The following RBM20 variants were observed in gnomAD, a reference collection of about 807,000 sequenced individuals.
RBM20 encodes the protein RNA-binding protein 20.
Under a neutral mutation model 110.1 loss-of-function variants are expected in RBM20, and 51 were observed. The ratio of observed to expected loss-of-function variants is 0.46; its 90% CI spans 0.37 to 0.59. The LOEUF (loss-of-function observed/expected upper bound fraction) is 0.59, where lower values mean the gene tolerates loss of function less well. Among genes scored for constraint, RBM20 ranks in the 20% least tolerant of loss-of-function variants. The pLI is 0.00. For missense variants in RBM20, 1,512 were observed against 1,574.9 expected, an observed-to-expected ratio of 0.96 and a Z score of 0.68; for synonymous variants, 589 against 618.2, an observed-to-expected ratio of 0.95 and a Z score of 0.70.
At chr10:110,782,391 A>G (rs4917584) in intron 2 of RBM20, among the ~76,000 whole-genome samples, 129,781 of 152,186 alleles carry the variant, frequency 0.85, 55,913 homozygotes, top group Middle Eastern at 0.97. Context: ...GTAGAGTCTC[A>G]TGACACCTTC....
intron 1 of RBM20, among the ~76,000 whole-genome samples, chr10:110,747,678 A>G (rs1356125476): frequency 6.6e-6 from 1 of 152,238 alleles, no homozygotes; most frequent in Admixed American, 6.5e-5. Flanking sequence ...AAAGTAAGTG[A>G]TGCATCCAAG....
intron 5 of RBM20, among the ~76,000 whole-genome samples, chr10:110,795,354 T>G (rs753524805): frequency 2.0e-4 from 31 of 152,368 alleles, no homozygotes; most frequent in East Asian, 1.9e-3. Context: ...TTTAGGAAGA[T>G]GAGGAGCTGC....
chr10:110,785,559 A>C (rs1161484872), intron 5 of RBM20, among the ~76,000 whole-genome samples: 2 of 151,966 alleles, frequency 1.3e-5, no homozygotes, highest in Non-Finnish European at 2.9e-5. Flanking sequence ...CTGTCTCAAA[A>C]CAAACAAACA....
intron 1 of RBM20, among the ~76,000 whole-genome samples, chr10:110,703,291 TCGC>T: frequency 6.6e-6 from 1 of 151,270 alleles, no homozygotes; most frequent in African/African-American, 2.4e-5. Flanking sequence ...GGCAGGACAA[TCGC>T]TTGACCCCAG....
intron 1 of RBM20, among the ~76,000 whole-genome samples, chr10:110,677,193 T>C (rs1862350746): frequency 6.6e-6 from 1 of 152,218 alleles, no homozygotes; most frequent in Non-Finnish European, 1.5e-5. Context: ...TCTCCTCTTA[T>C]AAAGCCACCA....
chr10:110,813,085 A>G lies in RBM20; in HGVS notation c.2550+138A>G, dbSNP rs1844796731. ...TACTATGCGCTAGGCACTGTGCAAG[A>G]CACTTTATCTCAATGAACTCATTTA... On this transcript the variant is annotated intron_variant, in intron 9 of 13. Transcript: ENST00000369519. The G allele has an allele frequency of 4.8e-6, 3 of 631,302 alleles. No individual in the cohort carries two copies. The Middle Eastern group carries it at 8.6e-4, about 180-fold the overall frequency. The allele number at this position is 631,302 out of a possible 1,614,324, so 39.1% of individuals were successfully genotyped here.
intron 1 of RBM20, among the ~76,000 whole-genome samples, chr10:110,684,813 C>T (rs1343687104): frequency 1.3e-5 from 2 of 152,184 alleles, no homozygotes; most frequent in Non-Finnish European, 2.9e-5. Flanking sequence ...ATTTCACTAT[C>T]TGGGATGCAG....
At chr10:110,720,687 T>C (rs147638578) in intron 1 of RBM20, among the ~76,000 whole-genome samples, 68 of 88,040 alleles carry the variant, frequency 7.7e-4, no homozygotes, top group Non-Finnish European at 4.6e-4. Flanking sequence ...CCTTGCAGTG[T>C]CCATCCCACC....
chr10:110,767,323 G>A (rs1280889678), intron 1 of RBM20, among the ~76,000 whole-genome samples: 1 of 143,676 alleles, frequency 7.0e-6, no homozygotes, highest in Non-Finnish European at 1.5e-5. Flanking sequence ...CGGACGGGGC[G>A]GCTAGCCGGG....
rs71492062 is a variant in RBM20, at chr10:110,752,945, A to ATT, written c.192-27843_192-27842dup. ...CATATATATATATATATATATATAT[A>ATT]TTTTTTTTTTTTTTATGAAGTCTCC... On this transcript the variant is annotated intron_variant, in intron 1 of 13. Coordinates refer to ENST00000369519, the MANE Select transcript of RBM20 (RefSeq NM_001134363.3). Among the ~76,000 whole-genome samples, 718 of 108,952 alleles carry ATT rather than the reference A, an allele frequency of 6.6e-3. 8 individuals carry two copies. The highest frequency in any genetic ancestry group is 0.042 in the South Asian group (139 of 3,306). 71.5% of individuals were successfully genotyped at this position (108,952 alleles called of 152,430 possible).
intron 1 of RBM20, among the ~76,000 whole-genome samples, chr10:110,670,908 G>A (rs1187222196): frequency 6.6e-6 from 1 of 152,120 alleles, no homozygotes; most frequent in Admixed American, 6.5e-5. Context: ...ATATTTTAAA[G>A]TATCACACAT....
At chr10:110,797,169 T>C (rs970524214) in intron 5 of RBM20, among the ~76,000 whole-genome samples, 2 of 152,108 alleles carry the variant, frequency 1.3e-5, no homozygotes, top group African/African-American at 4.8e-5. Context: ...GGTGCATGCC[T>C]GTGGTCCCAG....
intron 1 of RBM20, among the ~76,000 whole-genome samples, chr10:110,684,424 C>CA (rs796315158): frequency 0.02 from 2,952 of 151,212 alleles, 81 homozygotes; most frequent in African/African-American, 0.065. Context: ...CAAAACAAAA[C>CA]AAAAGAAAAA....
At chr10:110,735,866 G>C (rs1009649116) in intron 1 of RBM20, among the ~76,000 whole-genome samples, 2 of 152,208 alleles carry the variant, frequency 1.3e-5, no homozygotes, top group Admixed American at 1.3e-4. Flanking sequence ...ATTTGTTCAG[G>C]ATTGCTGATC....
intron 8 of RBM20, 75 bp downstream of exon 8, chr10:110,810,537 G>A (rs939390758): frequency 4.7e-6 from 5 of 1,067,688 alleles, no homozygotes; most frequent in Admixed American, 2.1e-5. Flanking sequence ...ATTCTTAGGG[G>A]CATTTGAGTC....
intron 1 of RBM20, among the ~76,000 whole-genome samples, chr10:110,665,736 A>AT (rs766483797): frequency 2.6e-5 from 4 of 152,164 alleles, no homozygotes; most frequent in Admixed American, 6.5e-5. Flanking sequence ...TTATTCATGT[A>AT]TTATTTATTT....
Position 110,810,502 on chromosome 10 carries a change from C to A in RBM20, c.1880+40C>A, listed in dbSNP as rs941405322. 52 of 1,391,646 alleles carry A rather than the reference C, an allele frequency of 3.7e-5. 1 individual carries two copies. The highest frequency in any genetic ancestry group is 1.8e-4 in the Middle Eastern group (1 of 5,608). The allele number at this position is 1,391,646 out of a possible 1,614,324, so 86.2% of individuals were successfully genotyped here. On this transcript the variant is annotated intron_variant, in intron 8 of 13. Transcript: ENST00000369519. ...CCCAAGTCTCCAGGCAGGTTCTGGG[C>A]AGTGGGAACAGACTCCTGTTTCTCA...
intron 1 of RBM20, among the ~76,000 whole-genome samples, chr10:110,686,685 G>A (rs908360278): frequency 5.3e-5 from 8 of 152,092 alleles, no homozygotes; most frequent in Non-Finnish European, 8.8e-5. Flanking sequence ...TATTTTTACA[G>A]ATGTCTGGAA....
In RBM20 at chr10:110,644,707, C is replaced by T. The variant is rs1861843693; in HGVS notation, c.191+62C>T. ...CCTGGGGACACGCCCCGAGAGCCCC[C>T]TTTGTGGCTTCATTTCCCGTCCCTG... On this transcript the variant is annotated intron_variant, in intron 1 of 13. Transcript: ENST00000369519. The surrounding 1 kb of genome is among the most constrained non-coding windows in gnomAD (Gnocchi z 4.3). 4 of 1,254,872 alleles carry T rather than the reference C, an allele frequency of 3.2e-6. No individual in the cohort carries two copies. The highest frequency in any genetic ancestry group is 4.2e-6 in the Non-Finnish European group (4 of 950,476). 77.7% of individuals were successfully genotyped at this position (1,254,872 alleles called of 1,614,324 possible).
Sources: gnomAD v4.1 joint callset for allele counts (sites outside exome capture counted in the v4.1 genomes callset) on GRCh38, gnomAD v4.1.1 for gene constraint, Gnocchi (gnomAD v3.1) non-coding constraint, MANE v1.5 for transcripts, NCBI Gene and HGNC (gene_info 2026-07-23, HGNC 2026-07-21) for gene names.